CDH12: variants seen among roughly 807,000 people sequenced by gnomAD.
CDH12 encodes cadherin-12.
CDH12 carries 41 observed loss-of-function variants against 74.1 expected under a neutral mutation model. The observed-to-expected ratio is 0.55, with a 90% CI of 0.43 to 0.72. CDH12 has a LOEUF of 0.72. Ranked by LOEUF, CDH12 falls within the 30% of genes least tolerant of loss-of-function variation. The pLI, the probability that CDH12 is intolerant of heterozygous loss-of-function variation, is 0.00. For synonymous variants in CDH12, 399 were observed against 355.0 expected (o/e 1.12, Z -1.39); for missense variants, 945 against 977.2 (o/e 0.97, Z 0.44).
chr5:22,231,190 T>C (rs1752369724), intron 3 of CDH12, among the ~76,000 whole-genome samples: 1 of 152,162 alleles, frequency 6.6e-6, no homozygotes, highest in Non-Finnish European at 1.5e-5. Flanking sequence ...AACAGAGTTA[T>C]CTAAAATTTA....
At chr5:22,711,549 G>A (rs1743288725) in intron 1 of CDH12, among the ~76,000 whole-genome samples, 1 of 152,098 alleles carries the variant, frequency 6.6e-6, no homozygotes, top group East Asian at 1.9e-4. Flanking sequence ...TATCCTGCAA[G>A]TTCACTGACA....
At chr5:22,639,859 T>C (rs1739053734) in intron 1 of CDH12, among the ~76,000 whole-genome samples, 1 of 152,142 alleles carries the variant, frequency 6.6e-6, no homozygotes, top group Non-Finnish European at 1.5e-5. Flanking sequence ...TCAAAACACA[T>C]ACTGTTTCAG....
At chr5:22,004,180 A>G (rs1331986390) in intron 5 of CDH12, among the ~76,000 whole-genome samples, 2 of 152,038 alleles carry the variant, frequency 1.3e-5, no homozygotes, top group African/African-American at 4.8e-5. Context: ...TTAATTTCTT[A>G]CCTCTGTTCA....
chr5:22,496,168 A>G (rs1338915824), intron 2 of CDH12, among the ~76,000 whole-genome samples: 7 of 152,152 alleles, frequency 4.6e-5, no homozygotes, highest in African/African-American at 1.4e-4. Context: ...TTCAACATGA[A>G]TCCTGTGCTT....
chr5:22,773,939 C>A (rs1746953372), intron 1 of CDH12, among the ~76,000 whole-genome samples: 2 of 151,996 alleles, frequency 1.3e-5, no homozygotes, highest in African/African-American at 4.8e-5. Flanking sequence ...AATGAGATAC[C>A]ATTTCCCTCC....
At chr5:22,053,440 T>C (rs1164857088) in intron 5 of CDH12, among the ~76,000 whole-genome samples, 1 of 152,122 alleles carries the variant, frequency 6.6e-6, no homozygotes, top group Non-Finnish European at 1.5e-5. Flanking sequence ...GTTAACATGC[T>C]TTATGTGCCA....
At chr5:22,830,483 A>T (rs996419960) in intron 1 of CDH12, among the ~76,000 whole-genome samples, 1 of 151,824 alleles carries the variant, frequency 6.6e-6, no homozygotes, top group African/African-American at 2.4e-5. Flanking sequence ...TATTCCCCCT[A>T]ATGATCTGTT....
chr5:22,262,037 A>C (rs757542953), intron 3 of CDH12, among the ~76,000 whole-genome samples: 3 of 152,134 alleles, frequency 2.0e-5, no homozygotes, highest in Non-Finnish European at 2.9e-5. Flanking sequence ...CATTTTATGT[A>C]ATATTGAAAT....
chr5:22,726,701 C>T (rs1744181400), intron 1 of CDH12, among the ~76,000 whole-genome samples: 1 of 151,696 alleles, frequency 6.6e-6, no homozygotes, highest in Non-Finnish European at 1.5e-5. Flanking sequence ...GAACATATAT[C>T]AGAGTTTACA....
chr5:22,483,212 G>A (rs62350335), intron 2 of CDH12, among the ~76,000 whole-genome samples: 146 of 152,130 alleles, frequency 9.6e-4, no homozygotes, highest in Non-Finnish European at 1.6e-3. Context: ...GCCATGTCAC[G>A]TCTATTAACT....
chr5:22,660,510 CGAG>C (rs1359696134), intron 1 of CDH12, among the ~76,000 whole-genome samples: 1 of 152,112 alleles, frequency 6.6e-6, no homozygotes, highest in Non-Finnish European at 1.5e-5. Context: ...CTCCTGGACT[CGAG>C]GGATCCTCTC....
intron 10 of CDH12, among the ~76,000 whole-genome samples, chr5:21,789,837 A>G (rs1561186708): frequency 6.6e-6 from 1 of 152,062 alleles, no homozygotes; most frequent in Non-Finnish European, 1.5e-5. Flanking sequence ...AGTTTGTTAA[A>G]TTTCCTGAGA....
intron 1 of CDH12, among the ~76,000 whole-genome samples, chr5:22,670,257 A>C (rs1740837249): frequency 6.6e-6 from 1 of 152,090 alleles, no homozygotes; most frequent in Non-Finnish European, 1.5e-5. Context: ...GGCCTCAAGC[A>C]TTCCCACTAC....
chr5:21,777,029 A>G lies in CDH12; in HGVS notation c.1393+6329T>C, dbSNP rs543312532. Among the ~76,000 whole-genome samples, 8 of 152,322 alleles carry G rather than the reference A, an allele frequency of 5.3e-5. No homozygotes were observed. In the East Asian group the frequency reaches 1.2e-3, roughly 22 times the overall value. On this transcript the variant is annotated intron_variant, in intron 11 of 14. Coordinates refer to ENST00000382254, the MANE Select transcript of CDH12 (RefSeq NM_004061.5). Reference sequence around the variant, plus strand: ...TCATTATAAGGTTAATGGACACATCATTTTGTAATTATATCAACTAAGTGT... The same window carrying G: ...TCATTATAAGGTTAATGGACACATCGTTTTGTAATTATATCAACTAAGTGT...
intron 3 of CDH12, among the ~76,000 whole-genome samples, chr5:22,342,694 CTTCTTTT>C (rs1341389894): frequency 7.8e-6 from 1 of 127,848 alleles, no homozygotes; most frequent in Admixed American, 7.9e-5. Flanking sequence ...TTCTTTCTTT[CTTCTTTT>C]TTCTTTCCTT....
intron 1 of CDH12, among the ~76,000 whole-genome samples, chr5:22,670,407 G>C (rs1740844771): frequency 6.6e-6 from 1 of 152,112 alleles, no homozygotes; most frequent in African/African-American, 2.4e-5. Flanking sequence ...AGAATATAGA[G>C]ATAAGAATAA....
intron 10 of CDH12, among the ~76,000 whole-genome samples, chr5:21,784,474 G>A (rs1036637988): frequency 6.6e-6 from 1 of 152,102 alleles, no homozygotes; most frequent in Non-Finnish European, 1.5e-5. Flanking sequence ...AACATAGTTA[G>A]AAAATTTTAG....
intron 1 of CDH12, among the ~76,000 whole-genome samples, chr5:22,640,602 A>G (rs991897379): frequency 1.3e-5 from 2 of 152,116 alleles, no homozygotes; most frequent in Non-Finnish European, 2.9e-5. Flanking sequence ...TCCAGTTGTC[A>G]TGTTCTCTGG....
At chr5:22,401,754 G>A (rs1333338215) in intron 3 of CDH12, among the ~76,000 whole-genome samples, 1 of 152,104 alleles carries the variant, frequency 6.6e-6, no homozygotes, top group Non-Finnish European at 1.5e-5. Context: ...AATACCTTGA[G>A]CTGAGATAAT....
Sources: allele counts gnomAD v4.1 joint callset (sites outside exome capture counted in the v4.1 genomes callset), GRCh38; gene constraint gnomAD v4.1.1; transcripts MANE v1.5; gene names NCBI Gene and HGNC (gene_info 2026-07-23, HGNC 2026-07-21).